Variants in ZC3H14 observed in about 807,000 individuals in gnomAD.
ZC3H14 encodes the protein zinc finger CCCH domain-containing protein 14.
A neutral mutation model predicts 92.4 loss-of-function variants in ZC3H14; 31 were observed. That is an observed-to-expected ratio of 0.34 (90% CI 0.25 to 0.45). The LOEUF is 0.45. ZC3H14 is among the 20% of genes least tolerant of loss of function. The pLI, the probability that ZC3H14 is intolerant of heterozygous loss-of-function variation, is 1.00. For missense variants in ZC3H14, 781 were observed against 897.3 expected, an observed-to-expected ratio of 0.87 and a Z score of 1.66; for synonymous variants, 321 against 300.9, an observed-to-expected ratio of 1.07 and a Z score of -0.69.
intron 2 of ZC3H14, among the ~76,000 whole-genome samples, chr14:88,565,267 G>A (rs772469139): frequency 3.9e-4 from 59 of 151,998 alleles, no homozygotes; most frequent in Non-Finnish European, 6.5e-4. Flanking sequence ...TCAGCCTCCC[G>A]AGTAGCTGGG....
rs376767788 is a variant in ZC3H14 at position 88,571,520 on chromosome 14, G to A, written c.235+396G>A. Among the ~76,000 whole-genome samples the A allele has an allele frequency of 4.6e-5, 7 of 152,174 alleles. No homozygotes were observed. The South Asian group carries it at 1.0e-3, about 23-fold the overall frequency. ...AGAATAACAGAATATACACGCATAA[G>A]ATACATGTTTTAAAAAATGTGTATA... On this transcript the variant is annotated intron_variant, in intron 4 of 16. Coordinates refer to ENST00000251038, the MANE Select transcript of ZC3H14 (RefSeq NM_024824.5).
At chr14:88,585,201 T>C (rs1481316932) in intron 9 of ZC3H14, among the ~76,000 whole-genome samples, 1 of 152,186 alleles carries the variant, frequency 6.6e-6, no homozygotes, top group East Asian at 1.9e-4. Flanking sequence ...CCAGTCACAT[T>C]TATTACAATT....
At chr14:88,611,245 G>A (rs1249668827) in intron 16 of ZC3H14, among the ~76,000 whole-genome samples, 1 of 26,998 alleles carries the variant, frequency 3.7e-5, no homozygotes, top group African/African-American at 9.4e-5. Flanking sequence ...CCCACCTGTA[G>A]CTGAGACTAC....
At chr14:88,583,256 A>G (rs1685499107) in intron 9 of ZC3H14, among the ~76,000 whole-genome samples, 1 of 151,572 alleles carries the variant, frequency 6.6e-6, no homozygotes, top group African/African-American at 2.4e-5. Context: ...CTCAGGGACC[A>G]TAGGCACACG....
chr14:88,622,758 G>T lies in ZC3H14; in HGVS notation c.*11007G>T. The T allele has an allele frequency of 3.5e-6, 5 of 1,413,004 alleles. No homozygotes were observed. Among genetic ancestry groups the T allele is most frequent in the Middle Eastern group, 1.8e-4 (1 of 5,492 alleles). 87.5% of individuals were successfully genotyped at this position (1,413,004 alleles called of 1,614,324 possible). On this transcript the variant is annotated 3_prime_UTR_variant, in exon 17 of 17. Coordinates refer to ENST00000251038, the MANE Select transcript of ZC3H14 (RefSeq NM_024824.5). ...AAGCCAGAGTAAGTGTTCATTATTGGCTACTATAATTTTTATTATAAACAA... is the reference window on the plus strand; with the variant it reads ...AAGCCAGAGTAAGTGTTCATTATTGTCTACTATAATTTTTATTATAAACAA...
intron 3 of ZC3H14, among the ~76,000 whole-genome samples, chr14:88,570,312 T>G (rs1463885574): frequency 6.6e-6 from 1 of 152,172 alleles, no homozygotes; most frequent in Non-Finnish European, 1.5e-5. Context: ...CATTGAAACA[T>G]GAGGTTTCTG....
chr14:88,563,182 C>G lies in ZC3H14; in HGVS notation c.36+13C>G. ...CCGCAAGATCCGGGTGAGGCCCGTGCCGGTCGGGGGTGGGAAGCCAGGTCT... is the reference window on the plus strand; with the variant it reads ...CCGCAAGATCCGGGTGAGGCCCGTGGCGGTCGGGGGTGGGAAGCCAGGTCT... On this transcript the variant is annotated intron_variant, in intron 1 of 16. Transcript: ENST00000251038. 1 of 1,602,500 alleles carries G rather than the reference C, an allele frequency of 6.2e-7. No homozygotes were observed. The highest frequency in any genetic ancestry group is 1.1e-5 in the South Asian group (1 of 89,534).
chr14:88,620,953 A>G lies in ZC3H14; in HGVS notation c.*9202A>G. The stretch of plus-strand genomic sequence containing the variant: ...TGCATTTAAAAAAAAAAAAAAAAAG[A>G]GTCATAGGAAACATTAAGTGAAGTA... On this transcript the variant is annotated 3_prime_UTR_variant, in exon 17 of 17. Transcript: ENST00000251038. This position sits in a 1 kb window ranked among gnomAD's most constrained non-coding sequence, Gnocchi z 4.3. 1 of 1,377,648 alleles carries G rather than the reference A, an allele frequency of 7.3e-7. No individual in the cohort carries two copies. Among genetic ancestry groups the G allele is most frequent in the Non-Finnish European group, 9.7e-7 (1 of 1,032,800 alleles). The allele number at this position is 1,377,648 out of a possible 1,614,324, so 85.3% of individuals were successfully genotyped here.
Position 88,625,199 on chromosome 14 carries a change from A to G in ZC3H14, c.*13448A>G, listed in dbSNP as rs1242731303. The G allele has an allele frequency of 1.3e-6, 2 of 1,531,770 alleles. No homozygotes were observed. The highest frequency in any genetic ancestry group is 1.8e-5 in the Admixed American group (1 of 54,550). The allele number at this position is 1,531,770 out of a possible 1,614,324, so 94.9% of individuals were successfully genotyped here. On this transcript the variant is annotated 3_prime_UTR_variant, in exon 17 of 17. Transcript: ENST00000251038. ...ATAGAGTTTAAATAGATAATTTTCT[A>G]TGTATGTGTAATGCTGTCTCACCCT...
intron 12 of ZC3H14, among the ~76,000 whole-genome samples, chr14:88,603,415 T>C (rs1311216880): frequency 6.6e-6 from 1 of 152,228 alleles, no homozygotes; most frequent in African/African-American, 2.4e-5. Context: ...AATAGTCTCT[T>C]GCAATTAACT....
intron 1 of ZC3H14, 156 bp from the exon 2 acceptor site, chr14:88,563,495 G>C: frequency 6.7e-7 from 1 of 1,497,710 alleles, no homozygotes; most frequent in Non-Finnish European, 9.0e-7. Context: ...GGAGTGGGGT[G>C]CGGGGTGGGG....
intron 1 of ZC3H14, 171 bp downstream of exon 1, chr14:88,563,340 G>T: frequency 6.7e-7 from 1 of 1,484,542 alleles, no homozygotes; most frequent in Non-Finnish European, 8.9e-7. Context: ...GGGGACATTT[G>T]CGGCCTCGGA....
At chr14:88,598,636 T>C (rs527879711) in intron 10 of ZC3H14, among the ~76,000 whole-genome samples, 6 of 152,226 alleles carry the variant, frequency 3.9e-5, no homozygotes, top group Non-Finnish European at 8.8e-5. Context: ...TTTTTAACAG[T>C]GTACCTTCAG....
intron 10 of ZC3H14, among the ~76,000 whole-genome samples, chr14:88,598,267 G>A (rs771609875): frequency 3.9e-5 from 6 of 152,108 alleles, no homozygotes; most frequent in Non-Finnish European, 7.3e-5. Context: ...GGTGGAAAGT[G>A]ATTTGTCCTG....
chr14:88,594,442 G>T, intron 9 of ZC3H14: 1 of 1,244,038 alleles, frequency 8.0e-7, no homozygotes, highest in South Asian at 1.7e-5. Context: ...CTTAGAGGAT[G>T]TAGGGCCCTA....
chr14:88,626,603 T>G lies in ZC3H14; in HGVS notation c.*14852T>G, dbSNP rs1249125800. 1 of 500,650 alleles carries G rather than the reference T, an allele frequency of 2.0e-6. No homozygotes were observed. The highest frequency in any genetic ancestry group is 3.6e-6 in the Non-Finnish European group (1 of 278,994). The allele number at this position is 500,650 out of a possible 1,614,324, so 31.0% of individuals were successfully genotyped here. ...TTGCACCCCAGCCCAGGCGACAGAGTGAGATACTGTGTCAAAAAAAAAAAA... is the reference window on the plus strand; with the variant it reads ...TTGCACCCCAGCCCAGGCGACAGAGGGAGATACTGTGTCAAAAAAAAAAAA... On this transcript the variant is annotated 3_prime_UTR_variant, in exon 17 of 17. Transcript: ENST00000251038.
chr14:88,602,551 A>G (rs1429286006), intron 11 of ZC3H14, among the ~76,000 whole-genome samples: 2 of 152,138 alleles, frequency 1.3e-5, no homozygotes, highest in Non-Finnish European at 2.9e-5. Flanking sequence ...TGTTGACCCT[A>G]TGAAGATCGA....
In ZC3H14 at chr14:88,618,753, T is replaced by C; in HGVS notation, c.*7002T>C. The C allele has an allele frequency of 6.2e-7, 1 of 1,604,072 alleles. No individual in the cohort carries two copies. The highest frequency in any genetic ancestry group is 8.5e-7 in the Non-Finnish European group (1 of 1,174,538). ...AAGAGTGGGGCCCAGCGTTAGGTCA[T>C]AAAAATCCACTGAGTTCTCACTAGA... is the stretch of plus-strand genomic sequence containing the variant. On this transcript the variant is annotated 3_prime_UTR_variant, in exon 17 of 17. Transcript: ENST00000251038.
chr14:88,577,939 G>A (rs370516919), intron 8 of ZC3H14, 46 bp from the exon 9 acceptor site: 147 of 1,610,054 alleles, frequency 9.1e-5, no homozygotes, highest in African/African-American at 8.4e-4. Flanking sequence ...GAGTTTTGAC[G>A]TATTACTGCA....
Sources: gnomAD v4.1 joint callset for allele counts (sites outside exome capture counted in the v4.1 genomes callset) on GRCh38, gnomAD v4.1.1 for gene constraint, Gnocchi (gnomAD v3.1) non-coding constraint, MANE v1.5 for transcripts, NCBI Gene and HGNC (gene_info 2026-07-23, HGNC 2026-07-21) for gene names.